Variants in PCNX3 observed in about 807,000 individuals in gnomAD.
PCNX3 encodes pecanex-like protein 3.
PCNX3 carries 58 observed loss-of-function variants against 207.2 expected under a neutral mutation model. That is an observed-to-expected ratio of 0.28 (90% CI 0.23 to 0.35). PCNX3 has a LOEUF of 0.35. Among genes scored for constraint, PCNX3 ranks in the 10% least tolerant of loss-of-function variants. The probability of loss-of-function intolerance (pLI) is 1.00; values close to 1 mark genes in which losing one functional copy is unlikely to be tolerated. For synonymous variants in PCNX3, 1,337 were observed against 1,183.5 expected (o/e 1.13, Z -2.66); for missense variants, 2,410 against 2,774.4 (o/e 0.87, Z 2.95).
chr11:65,621,004 G>A (rs748948968), intron 10 of PCNX3, 38 bp downstream of exon 10: 16 of 1,496,384 alleles, frequency 1.1e-5, no homozygotes, highest in East Asian at 4.9e-5. Context: ...CCAGTGGGGC[G>A]TGACGGGGCG....
Position 65,625,167 on chromosome 11 carries a change from G to C in PCNX3, c.2920-4G>C, listed in dbSNP as rs372931343. 2 of 1,601,758 alleles carry C rather than the reference G, an allele frequency of 1.2e-6. No individual in the cohort carries two copies. Among genetic ancestry groups the C allele is most frequent in the Admixed American group, 1.7e-5 (1 of 59,818 alleles). ...CCCCTGACCAGCATGGATTCTCTCC[G>C]CAGACTCCGTGGCCAGAGCAGCACG... On this transcript the variant is annotated splice_polypyrimidine_tract_variant and splice_region_variant and intron_variant, in intron 16 of 34. Transcript: ENST00000355703. This position sits in a 1 kb window ranked among gnomAD's most constrained non-coding sequence, Gnocchi z 5.6.
At position 65,618,920 on chromosome 11, in the gene PCNX3, G is replaced by A; in HGVS notation, c.1558G>A (p.Gly520Ser). Residue 520 changes from glycine (G) to serine (S), a missense_variant, in exon 6 of 35, where the codon GGC becomes AGC. Physicochemically the swap from Gly to Ser is moderately conservative, Grantham distance 56. Coordinates refer to ENST00000355703, the MANE Select transcript of PCNX3 (RefSeq NM_032223.4). ...TGATGTTCTGAGGCCCCCACTGGCT[G>A]GCTGCAAGGCAGAGCTGGAGGCCCA... ...GGDVLRPPLA[G>S]CKAELEAQVG... 1 of 1,608,224 alleles carries A rather than the reference G, an allele frequency of 6.2e-7. No individual in the cohort carries two copies. Among genetic ancestry groups the A allele is most frequent in the Non-Finnish European group, 8.5e-7 (1 of 1,178,344 alleles).
chr11:65,620,843 G>A lies in PCNX3; in HGVS notation c.2112G>A (p.Ser704=), dbSNP rs61741204. The change falls in exon 10 of 35, where the codon TCG becomes TCA. Residue 704 remains serine, a synonymous_variant. Transcript: ENST00000355703. ...GCTGTTCTCACAGGGACCGACACTC[G>A]CATTCCTCCAGCTTCCACTCGGCTG... ...QTANGAWDRH[S]HSSSFHSADV... The A allele has an allele frequency of 2.3e-4, 371 of 1,594,770 alleles. No homozygotes were observed. In the African/African-American group the frequency reaches 4.5e-3, roughly 19 times the overall value.
At position 65,616,336 on chromosome 11, in the gene PCNX3, C is replaced by T. The variant is rs76733203; in HGVS notation, c.25C>T (p.Leu9=). MGSQVLQI[L]RQGVWASLTG... ...CATGGGGTCGCAGGTGTTGCAGATC[C>T]TGCGCCAGGGGGTGTGGGCCTCGCT... Residue 9 remains leucine, a synonymous_variant, in exon 1 of 35, where the codon CTG becomes TTG. Transcript: ENST00000355703. 4.8e-4 allele frequency: 771 copies of T among 1,602,270 alleles called. 6 individuals carry two copies. The East Asian group carries it at 0.014, about 30-fold the overall frequency.
chr11:65,617,423 C>G, intron 3 of PCNX3, 47 bp from the exon 4 acceptor site: 1 of 1,613,766 alleles, frequency 6.2e-7, no homozygotes, highest in South Asian at 1.1e-5. Context: ...GCATCCTGAG[C>G]CTACTTCTTG....
chr11:65,627,157 G>A, intron 21 of PCNX3, 109 bp downstream of exon 21: 1 of 1,395,882 alleles, frequency 7.2e-7, no homozygotes, highest in South Asian at 1.5e-5. Context: ...TGTTTAGCAA[G>A]CTAAAGCAGG....
intron 20 of PCNX3, 126 bp downstream of exon 20, chr11:65,626,180 C>T (rs71470431): frequency 7.7e-7 from 1 of 1,292,508 alleles, no homozygotes. Context: ...ACTACCCTTT[C>T]TGCTCCCTCC....
chr11:65,621,560 C>T (rs1425842544), intron 10 of PCNX3, among the ~76,000 whole-genome samples: 4 of 152,274 alleles, frequency 2.6e-5, no homozygotes, highest in Non-Finnish European at 5.9e-5. Context: ...TGGGCAGCCC[C>T]CAGAAGCTCC....
At chr11:65,634,694 C>A in intron 29 of PCNX3, 53 bp downstream of exon 29, 4 of 1,467,662 alleles carry the variant, frequency 2.7e-6, no homozygotes, top group Non-Finnish European at 3.7e-6. Flanking sequence ...CCCACCTCTT[C>A]CACGAAGAGC....
At position 65,625,947 on chromosome 11, in the gene PCNX3, G is replaced by A; in HGVS notation, c.3272G>A (p.Gly1091Asp). 6.2e-7 allele frequency: 1 copy of A among 1,613,850 alleles called. No homozygotes were observed. Among genetic ancestry groups the A allele is most frequent in the Non-Finnish European group, 8.5e-7 (1 of 1,179,872 alleles). The change falls in exon 20 of 35, where the codon GGC (glycine) becomes GAC (aspartate). Residue 1091 changes from glycine to aspartate, a missense_variant. This residue lies in a region of PCNX3 where 333 missense variants were observed against 386.8 expected (regional missense o/e 0.86). Transcript: ENST00000355703. The surrounding 1 kb of genome is among the most constrained non-coding windows in gnomAD (Gnocchi z 5.6). ...FVLYALAGAV[G>D]FFTHYLLPQL... ...TTGTACGCACTGGCTGGGGCCGTGG[G>A]CTTCTTCACACATTACCTGCTGCCA...
intron 28 of PCNX3, 28 bp downstream of exon 28, chr11:65,634,384 C>G (rs372929613): frequency 6.4e-7 from 1 of 1,550,420 alleles, no homozygotes; most frequent in African/African-American, 1.4e-5. Context: ...GAGGCTGCCA[C>G]CTGGGGCTGT....
Position 65,625,653 on chromosome 11 carries a change from G to A in PCNX3, c.3137G>A (p.Arg1046His), listed in dbSNP as rs548248348. 1.9e-5 allele frequency: 31 copies of A among 1,612,928 alleles called. No individual in the cohort carries two copies. The East Asian group carries it at 4.0e-4, about 21-fold the overall frequency. Residue 1046 changes from arginine to histidine, a missense_variant and splice_region_variant, in exon 19 of 35, where the codon CGT becomes CAT. Physicochemically the swap from Arg to His is conservative, Grantham distance 29. Transcript: ENST00000355703. This position sits in a 1 kb window ranked among gnomAD's most constrained non-coding sequence, Gnocchi z 5.6. Reference protein sequence around the residue: ...PLPDKMRQSVREVLHSDLVMC... With the variant: ...PLPDKMRQSVHEVLHSDLVMC... ...TGAATGTCTCTCCTGGCCCTGCAGC[G>A]TGAGGTCTTGCACTCCGACCTGGTG...
rs1435564960 is a variant in PCNX3 at position 65,635,707 on chromosome 11, C to T, written c.5363C>T (p.Thr1788Ile). Residue 1788 changes from threonine (T) to isoleucine (I), a missense_variant, in exon 32 of 35, where the codon ACC becomes ATC. By Grantham distance (89) the Thr-to-Ile change is moderately conservative (BLOSUM62 -1). This residue lies in a region of PCNX3 where 21 missense variants were observed against 79.2 expected (regional missense o/e 0.27). Transcript: ENST00000355703. This position sits in a 1 kb window ranked among gnomAD's most constrained non-coding sequence, Gnocchi z 9.9. Reference protein sequence around the residue: ...GYPIYVSPLTTSLAGSHPQLR... With the variant: ...GYPIYVSPLTISLAGSHPQLR... ...CCCATCTACGTGTCGCCTCTCACCA[C>T]CTCGCTGGCTGGCAGCCACCCCCAG... The T allele has an allele frequency of 1.2e-6, 2 of 1,609,860 alleles. No individual in the cohort carries two copies. Among genetic ancestry groups the T allele is most frequent in the Non-Finnish European group, 1.7e-6 (2 of 1,178,560 alleles).
In PCNX3 at chr11:65,622,275, C is replaced by T. The variant is rs1264238963; in HGVS notation, c.2266C>T (p.Arg756Trp). ...EQTLMEEAPP[R>W]AQHSYKYWLL... ...GACACTGATGGAAGAAGCGCCACCC[C>T]GGGCCCAGCATAGTTACAAGTACTG... The change falls in exon 11 of 35, where the codon CGG becomes TGG. Residue 756 changes from arginine (R) to tryptophan (W), a missense_variant. Transcript: ENST00000355703. 3.1e-6 allele frequency: 5 copies of T among 1,601,892 alleles called. No individual in the cohort carries two copies. The highest frequency in any genetic ancestry group is 1.7e-5 in the Admixed American group (1 of 58,722).
rs1338043400 is a variant in PCNX3 at position 65,635,110 on chromosome 11, A to G, written c.4943A>G (p.Lys1648Arg). Residue 1648 changes from lysine to arginine, a missense_variant, in exon 30 of 35, where the codon AAG becomes AGG. Physicochemically the swap from Lys to Arg is conservative, Grantham distance 26. This residue lies in a region of PCNX3 where 420 missense variants were observed against 705.3 expected (regional missense o/e 0.60). Transcript: ENST00000355703. This position sits in a 1 kb window ranked among gnomAD's most constrained non-coding sequence, Gnocchi z 9.9. ...GCGCCTGGGGTTCGCATGGCCCTCAAGCTTCACCAGGTTGGGGAGGGGTGT... is the reference window on the plus strand; with the variant it reads ...GCGCCTGGGGTTCGCATGGCCCTCAGGCTTCACCAGGTTGGGGAGGGGTGT... ...VVAPGVRMAL[K>R]LHQDHFTSPD... The G allele has an allele frequency of 1.2e-6, 2 of 1,613,042 alleles. No individual in the cohort carries two copies. The highest frequency in any genetic ancestry group is 2.2e-5 in the East Asian group (1 of 44,834).
Position 65,618,823 on chromosome 11 carries a change from G to A in PCNX3, c.1461G>A (p.Gly487=), listed in dbSNP as rs772186837. ...CTGTGCCCCCCAAGCGGCCATATGG[G>A]ACCCAGCGGACGCCTAGTACCGCCA... ...GTAVPPKRPY[G]TQRTPSTASA... is the part of the protein sequence containing the mutation. The change falls in exon 6 of 35, where the codon GGG becomes GGA. Residue 487 remains glycine, a synonymous_variant. Coordinates refer to ENST00000355703, the MANE Select transcript of PCNX3 (RefSeq NM_032223.4). The A allele has an allele frequency of 3.1e-6, 5 of 1,611,276 alleles. No individual in the cohort carries two copies. In the East Asian group the frequency reaches 1.1e-4, roughly 36 times the overall value.
Position 65,617,010 on chromosome 11 carries a change from A to C in PCNX3, c.340A>C (p.Arg114=), listed in dbSNP as rs769379440. ...TGCCCAGGGGGACAGCAATCCACCCAGGTGGGTGGGGTAGGGGCTGTGCTG... is the reference window on the plus strand; with the variant it reads ...TGCCCAGGGGGACAGCAATCCACCCCGGTGGGTGGGGTAGGGGCTGTGCTG... ...EPAQGDSNPP[R]DPGVEMTVFR... is the part of the protein sequence containing the mutation. The change falls in exon 2 of 35, where the codon AGG becomes CGG. Residue 114 remains arginine, a splice_region_variant and synonymous_variant. Coordinates refer to ENST00000355703, the MANE Select transcript of PCNX3 (RefSeq NM_032223.4). 2.5e-6 allele frequency: 4 copies of C among 1,606,674 alleles called. No individual in the cohort carries two copies. The highest frequency in any genetic ancestry group is 3.4e-6 in the Non-Finnish European group (4 of 1,177,068).
At chr11:65,623,815 G>A in intron 12 of PCNX3, 114 bp from the exon 13 acceptor site, 1 of 1,553,028 alleles carries the variant, frequency 6.4e-7, no homozygotes, top group East Asian at 2.3e-5. Context: ...GGACAGTTCG[G>A]GGGCCTGACC....
intron 22 of PCNX3, 54 bp downstream of exon 22, chr11:65,627,636 A>T (rs1855458210): frequency 6.3e-7 from 1 of 1,577,578 alleles, no homozygotes; most frequent in African/African-American, 1.3e-5. Flanking sequence ...AGCAGAGCCA[A>T]CTTCTGCCTG....
Sources: gnomAD v4.1 joint callset for allele counts (sites outside exome capture counted in the v4.1 genomes callset) on GRCh38, gnomAD v4.1.1 for gene constraint, gnomAD v4.1.1 regional missense constraint, Gnocchi (gnomAD v3.1) non-coding constraint, MANE v1.5 for transcripts, NCBI Gene and HGNC (gene_info 2026-07-23, HGNC 2026-07-21) for gene names.